Variants in IMMP2L observed in about 807,000 individuals in gnomAD.
IMMP2L encodes the protein mitochondrial inner membrane protease subunit 2.
IMMP2L carries 18 observed loss-of-function variants against 19.3 expected under a neutral mutation model. The ratio of observed to expected loss-of-function variants is 0.93; its 90% confidence interval spans 0.64 to 1.38. The LOEUF is 1.38. Among genes scored for constraint, IMMP2L ranks in the 40% most tolerant of loss-of-function variants. The pLI is 0.00. For synonymous variants in IMMP2L, 76 were observed against 73.0 expected (o/e 1.04, Z -0.21); for missense variants, 233 against 218.2 (o/e 1.07, Z -0.43).
chr7:110,977,316 T>C (rs1820799849), intron 3 of IMMP2L, among the ~76,000 whole-genome samples: 2 of 152,076 alleles, frequency 1.3e-5, no homozygotes, highest in South Asian at 4.1e-4. Flanking sequence ...AACATCTATT[T>C]TTTCATGAGT....
intron 3 of IMMP2L, among the ~76,000 whole-genome samples, chr7:111,364,283 C>T (rs978058629): frequency 1.3e-5 from 2 of 151,942 alleles, no homozygotes; most frequent in African/African-American, 4.8e-5. Flanking sequence ...TATTCATATG[C>T]TTTTAGTGTT....
intron 3 of IMMP2L, among the ~76,000 whole-genome samples, chr7:111,014,359 GAAA>G (rs1006314286): frequency 6.7e-6 from 1 of 149,238 alleles, no homozygotes; most frequent in African/African-American, 2.5e-5. Flanking sequence ...TGTGTCAAAA[GAAA>G]AAAAAATTGT....
chr7:110,952,171 A>G (rs990163385), intron 4 of IMMP2L, among the ~76,000 whole-genome samples: 1 of 152,190 alleles, frequency 6.6e-6, no homozygotes, highest in African/African-American at 2.4e-5. Flanking sequence ...TAATATTTAG[A>G]TCAAAGGAAG....
chr7:111,219,198 G>T (rs1812267546), intron 3 of IMMP2L, among the ~76,000 whole-genome samples: 1 of 151,968 alleles, frequency 6.6e-6, no homozygotes, highest in Non-Finnish European at 1.5e-5. Flanking sequence ...ACTTTGAAAT[G>T]CCAAATTACT....
intron 4 of IMMP2L, among the ~76,000 whole-genome samples, chr7:110,916,056 G>A (rs1813577661): frequency 6.6e-6 from 1 of 152,118 alleles, no homozygotes; most frequent in Non-Finnish European, 1.5e-5. Flanking sequence ...CACATTGAAT[G>A]GCCACATCTA....
intron 3 of IMMP2L, among the ~76,000 whole-genome samples, chr7:111,054,616 C>A (rs562931812): frequency 2.6e-5 from 4 of 152,152 alleles, no homozygotes; most frequent in Non-Finnish European, 4.4e-5. Context: ...GAAGAGAAGG[C>A]GTTTTCAAGT....
At chr7:111,212,158 C>A (rs1811391730) in intron 3 of IMMP2L, among the ~76,000 whole-genome samples, 1 of 152,130 alleles carries the variant, frequency 6.6e-6, no homozygotes, top group African/African-American at 2.4e-5. Context: ...GTCTCTCTCT[C>A]TGTCTCTATC....
At chr7:110,830,995 G>C (rs1403635798) in intron 5 of IMMP2L, among the ~76,000 whole-genome samples, 2 of 152,142 alleles carry the variant, frequency 1.3e-5, no homozygotes, top group Non-Finnish European at 2.9e-5. Flanking sequence ...GTTTCCCAAG[G>C]CCGAAATTAA....
chr7:111,231,011 A>G (rs1054570183), intron 3 of IMMP2L, among the ~76,000 whole-genome samples: 3 of 143,654 alleles, frequency 2.1e-5, no homozygotes, highest in Non-Finnish European at 4.6e-5. Context: ...TGATGTAGGT[A>G]AATAAGTAGT....
chr7:110,938,542 A>G (rs1414192273), intron 4 of IMMP2L, among the ~76,000 whole-genome samples: 1 of 152,130 alleles, frequency 6.6e-6, no homozygotes. Context: ...CTCCAAAACT[A>G]TTCATCTATG....
intron 3 of IMMP2L, among the ~76,000 whole-genome samples, chr7:111,348,582 TG>T (rs2130860787): frequency 6.6e-6 from 1 of 152,266 alleles, no homozygotes; most frequent in Non-Finnish European, 1.5e-5. Flanking sequence ...AAAGAAAACC[TG>T]CAAAATTGTC....
At chr7:110,736,905 C>A (rs1796670062) in intron 5 of IMMP2L, among the ~76,000 whole-genome samples, 2 of 152,064 alleles carry the variant, frequency 1.3e-5, no homozygotes, top group Middle Eastern at 3.4e-3. Context: ...TGAAATAAGT[C>A]AAAAATTTGG....
intron 5 of IMMP2L, among the ~76,000 whole-genome samples, chr7:110,734,203 G>A (rs1302949903): frequency 1.3e-5 from 2 of 152,226 alleles, no homozygotes; most frequent in Non-Finnish European, 2.9e-5. Flanking sequence ...TGTAAACAGA[G>A]TGTTGATCTT....
intron 2 of IMMP2L, among the ~76,000 whole-genome samples, chr7:111,501,650 G>C (rs1025147085): frequency 1.6e-4 from 25 of 152,180 alleles, no homozygotes; most frequent in African/African-American, 5.3e-4. Context: ...CAAGCCAGAA[G>C]AGAGTGGGGG....
chr7:111,217,611 A>C (rs1234682931), intron 3 of IMMP2L, among the ~76,000 whole-genome samples: 2 of 152,138 alleles, frequency 1.3e-5, no homozygotes, highest in African/African-American at 4.8e-5. Flanking sequence ...TTGAGTCAGA[A>C]AGAGAATTGT....
chr7:110,819,937 C>T (rs1202712358), intron 5 of IMMP2L, among the ~76,000 whole-genome samples: 1 of 151,910 alleles, frequency 6.6e-6, no homozygotes, highest in Non-Finnish European at 1.5e-5. Flanking sequence ...TATTTACATG[C>T]TGTTCATTTT....
intron 2 of IMMP2L, among the ~76,000 whole-genome samples, chr7:111,502,994 G>A (rs1356832012): frequency 6.7e-6 from 1 of 149,708 alleles, no homozygotes; most frequent in Admixed American, 6.7e-5. Flanking sequence ...AGGAAATAGA[G>A]ACACAAAAAA....
chr7:111,043,865 T>C (rs528235171), intron 3 of IMMP2L, among the ~76,000 whole-genome samples: 6 of 152,222 alleles, frequency 3.9e-5, no homozygotes, highest in Non-Finnish European at 8.8e-5. Context: ...AGATCATCAC[T>C]TGACCTTCAA....
intron 3 of IMMP2L, among the ~76,000 whole-genome samples, chr7:111,393,712 C>T (rs551418694): frequency 5.3e-5 from 8 of 152,250 alleles, no homozygotes; most frequent in South Asian, 2.1e-4. Context: ...CCATCCCTCA[C>T]GCCCAAGAGT....
Sources: allele counts gnomAD v4.1 joint callset (sites outside exome capture counted in the v4.1 genomes callset), GRCh38; gene constraint gnomAD v4.1.1; transcripts MANE v1.5; gene names NCBI Gene and HGNC (gene_info 2026-07-23, HGNC 2026-07-21).